PACSIN2: variants seen among roughly 807,000 people sequenced by gnomAD.
The protein encoded by PACSIN2 is protein kinase C and casein kinase substrate in neurons 2.
PACSIN2 carries 25 observed loss-of-function variants against 63.8 expected under a neutral mutation model. That is an observed-to-expected ratio of 0.39 (90% confidence interval 0.29 to 0.55). The LOEUF (loss-of-function observed/expected upper bound fraction) is 0.55. Among genes scored for constraint, PACSIN2 ranks in the 20% least tolerant of loss-of-function variants. The probability of loss-of-function intolerance (pLI) is 0.62; values close to 1 mark genes in which losing one functional copy is unlikely to be tolerated. For missense variants in PACSIN2, 518 were observed against 646.9 expected (o/e 0.80, Z 2.16); for synonymous variants, 255 against 256.2 (o/e 1.00, Z 0.05).
Position 42,886,407 on chromosome 22 carries a change from G to GTTAT in PACSIN2, c.610-1847_610-1846insATAA, listed in dbSNP as rs879263245. Among the ~76,000 whole-genome samples, 667 of 140,300 alleles carry GTTAT rather than the reference G, an allele frequency of 4.8e-3. 7 individuals carry two copies. The highest frequency in any genetic ancestry group is 0.029 in the East Asian group (133 of 4,600). 92.0% of individuals were successfully genotyped at this position (140,300 alleles called of 152,430 possible). A position where few individuals can be genotyped will look rare whatever the true frequency, so the allele number is the denominator to read the frequency against. On this transcript the variant is annotated intron_variant, in intron 5 of 10. Transcript: ENST00000263246. ...AGTACATGTGCAACCAGTCAGCAAT[G>GTTAT]GTATGTATGTAGGTAGGTAGGTAGG...
At chr22:43,008,397 C>T (rs905506550) in intron 1 of PACSIN2, among the ~76,000 whole-genome samples, 13 of 152,150 alleles carry the variant, frequency 8.5e-5, no homozygotes, top group African/African-American at 2.6e-4. Flanking sequence ...ATTACAGGCA[C>T]GCACCACCAT....
intron 1 of PACSIN2, among the ~76,000 whole-genome samples, chr22:43,014,661 C>T (rs1924761791): frequency 6.6e-6 from 1 of 151,770 alleles, no homozygotes; most frequent in African/African-American, 2.4e-5. Context: ...CACTCATTAG[C>T]AGCTCTTAAC....
chr22:42,987,671 A>G (rs1262070303), intron 1 of PACSIN2, among the ~76,000 whole-genome samples: 1 of 151,416 alleles, frequency 6.6e-6, no homozygotes, highest in African/African-American at 2.4e-5. Flanking sequence ...AGCTGGGACT[A>G]CAGGTGCGCA....
At chr22:42,872,466 T>C (rs1280065529) in intron 10 of PACSIN2, among the ~76,000 whole-genome samples, 3 of 152,274 alleles carry the variant, frequency 2.0e-5, no homozygotes, top group East Asian at 1.9e-4. Context: ...GTAACTCTCT[T>C]TGGCATTTTT....
Position 42,876,884 on chromosome 22 carries a change from C to G in PACSIN2, c.1151+4G>C. The G allele has an allele frequency of 6.2e-7, 1 of 1,614,104 alleles. No individual in the cohort carries two copies. The highest frequency in any genetic ancestry group is 8.5e-7 in the Non-Finnish European group (1 of 1,180,012). On this transcript the variant is annotated splice_donor_region_variant and intron_variant, in intron 9 of 10. Transcript: ENST00000263246. The stretch of plus-strand genomic sequence containing the variant: ...GGGAGCAGAGGAAGCATTTGTTCAC[C>G]AACTTTTTGGCCTTAGTGTCGTCCT...
chr22:42,904,367 C>G (rs1487365828), intron 2 of PACSIN2, among the ~76,000 whole-genome samples: 8 of 152,336 alleles, frequency 5.3e-5, no homozygotes, highest in East Asian at 3.9e-4. Flanking sequence ...CAGCCGAGCA[C>G]CCAGCAAGTG....
At chr22:42,951,610 C>T (rs1933696109) in intron 1 of PACSIN2, among the ~76,000 whole-genome samples, 1 of 152,166 alleles carries the variant, frequency 6.6e-6, no homozygotes, top group African/African-American at 2.4e-5. Context: ...AGGACAAATG[C>T]CCCAGTGTCA....
At chr22:43,005,954 AT>A (rs971315715) in intron 1 of PACSIN2, among the ~76,000 whole-genome samples, 39 of 146,898 alleles carry the variant, frequency 2.7e-4, no homozygotes, top group Admixed American at 3.4e-4. Context: ...TGTCCTTACA[AT>A]TTTTTTTTTT....
In PACSIN2 at chr22:42,969,043, C is replaced by CTCCATCCATCCATCCATCCATCCA. The variant is rs60039459; in HGVS notation, c.-78+45954_-78+45977dup. 7.5e-3 allele frequency among the ~76,000 whole-genome samples: 1,127 copies of CTCCATCCATCCATCCATCCATCCA among 150,874 alleles called. 12 individuals carry two copies. Among genetic ancestry groups the CTCCATCCATCCATCCATCCATCCA allele is most frequent in the East Asian group, 0.05 (253 of 5,072 alleles). On this transcript the variant is annotated intron_variant, in intron 1 of 10. Coordinates refer to ENST00000263246, the MANE Select transcript of PACSIN2 (RefSeq NM_001184970.3). ...AATAAACTGCTTCTTATCTATCTAT[C>CTCCATCCATCCATCCATCCATCCA]TCCATCCATCCATCCATCCATCCAT...
intron 1 of PACSIN2, among the ~76,000 whole-genome samples, chr22:42,942,243 A>G (rs1228070100): frequency 6.6e-6 from 1 of 151,880 alleles, no homozygotes; most frequent in Non-Finnish European, 1.5e-5. Context: ...CCCACCCAAG[A>G]GTTCTTTATG....
intron 1 of PACSIN2, among the ~76,000 whole-genome samples, chr22:42,936,836 G>C (rs551085213): frequency 6.7e-6 from 1 of 148,508 alleles, no homozygotes; most frequent in East Asian, 2.1e-4. Context: ...ACCTGAACCC[G>C]CGAGACGGAG....
At chr22:43,007,714 C>T (rs2146927374) in intron 1 of PACSIN2, among the ~76,000 whole-genome samples, 1 of 152,314 alleles carries the variant, frequency 6.6e-6, no homozygotes, top group Admixed American at 6.5e-5. Context: ...TCTGGTACCG[C>T]CACAATGAAA....
At chr22:42,921,175 C>T (rs907732154) in intron 1 of PACSIN2, among the ~76,000 whole-genome samples, 2 of 151,784 alleles carry the variant, frequency 1.3e-5, no homozygotes, top group African/African-American at 2.4e-5. Context: ...TTGGCTAACA[C>T]GGTGAAACCC....
intron 1 of PACSIN2, among the ~76,000 whole-genome samples, chr22:42,966,567 A>AT (rs1426261038): frequency 6.6e-6 from 1 of 152,184 alleles, no homozygotes; most frequent in South Asian, 2.1e-4. Context: ...TTGTCCAAAG[A>AT]TTTTTTTAAC....
chr22:42,874,686 C>T (rs116910543), intron 10 of PACSIN2, among the ~76,000 whole-genome samples: 1 of 152,290 alleles, frequency 6.6e-6, no homozygotes, highest in East Asian at 1.9e-4. Flanking sequence ...AGCTCCCAGA[C>T]TACATATGGG....
At chr22:42,879,514 C>A (rs1928916239) in intron 7 of PACSIN2, among the ~76,000 whole-genome samples, 1 of 152,176 alleles carries the variant, frequency 6.6e-6, no homozygotes, top group Non-Finnish European at 1.5e-5. Flanking sequence ...TGTTCCTGAC[C>A]CCACCCACCA....
chr22:42,871,884 CTG>C lies in PACSIN2; in HGVS notation c.1349-417_1349-416del, dbSNP rs1463418984. ...GCCGCCTTGCTCCCAGCAGCTGTCT[CTG>C]GGGTCTCTCTGCCTTTGCTAATCCC... On this transcript the variant is annotated intron_variant, in intron 10 of 10. Transcript: ENST00000263246. This position sits in a 1 kb window ranked among gnomAD's most constrained non-coding sequence, Gnocchi z 5.4. Among the ~76,000 whole-genome samples the C allele has an allele frequency of 1.3e-5, 2 of 152,200 alleles. No homozygotes were observed. Among genetic ancestry groups the C allele is most frequent in the East Asian group, 3.9e-4 (2 of 5,156 alleles).
intron 3 of PACSIN2, 103 bp from the exon 4 acceptor site, chr22:42,891,285 G>A (rs1929897175): frequency 4.4e-6 from 3 of 678,234 alleles, no homozygotes; most frequent in Admixed American, 5.5e-5. Flanking sequence ...ACCACAGAGG[G>A]TTTCCTTTCA....
chr22:42,870,959 C>T lies in PACSIN2; in HGVS notation c.*398G>A, dbSNP rs1928061742. 4.9e-6 allele frequency: 1 copy of T among 205,966 alleles called. No homozygotes were observed. Among genetic ancestry groups the T allele is most frequent in the South Asian group, 9.7e-5 (1 of 10,278 alleles). 12.8% of individuals were successfully genotyped at this position (205,966 alleles called of 1,614,324 possible). A position where few individuals can be genotyped will look rare whatever the true frequency, so the allele number is the denominator to read the frequency against. On this transcript the variant is annotated 3_prime_UTR_variant, in exon 11 of 11. Transcript: ENST00000263246. ...AATTAAAAACCTCAAAATCTTCACT[C>T]AAAATGGGATGTAAGCTTGTTCATT...
Sources: gnomAD v4.1 joint callset for allele counts (sites outside exome capture counted in the v4.1 genomes callset) on GRCh38, gnomAD v4.1.1 for gene constraint, Gnocchi (gnomAD v3.1) non-coding constraint, MANE v1.5 for transcripts, NCBI Gene and HGNC (gene_info 2026-07-23, HGNC 2026-07-21) for gene names.